The following AVEN variants were observed in gnomAD, a reference collection of about 807,000 sequenced individuals.
AVEN encodes apoptosis and caspase activation inhibitor, also known as cell death regulator Aven.
Under a neutral mutation model 38.1 loss-of-function variants are expected in AVEN, and 41 were observed. The ratio of observed to expected loss-of-function variants is 1.08; its 90% CI spans 0.84 to 1.40. The LOEUF (loss-of-function observed/expected upper bound fraction) is 1.40, where lower values mean the gene tolerates loss of function less well. Among genes scored for constraint, AVEN ranks in the 40% most tolerant of loss-of-function variants. The probability of loss-of-function intolerance (pLI) is 0.00; values close to 1 mark genes in which losing one functional copy is unlikely to be tolerated. For synonymous variants in AVEN, 206 were observed against 171.8 expected (o/e 1.20, Z -1.56); for missense variants, 605 against 438.8 (o/e 1.38, Z -3.38).
At chr15:34,043,218 G>A (rs1899550770), upstream of AVEN, among the ~76,000 whole-genome samples, 1 of 151,104 alleles carries the variant, frequency 6.6e-6, no homozygotes, top group Admixed American at 6.6e-5. Context: ...CTGCACTCCA[G>A]CCTGGGCGAC....
chr15:33,994,114 C>T (rs377289838), intron 2 of AVEN, among the ~76,000 whole-genome samples: 3 of 152,196 alleles, frequency 2.0e-5, no homozygotes, highest in Non-Finnish European at 4.4e-5. Flanking sequence ...TGTTAGGAAC[C>T]GGGCTGCATA....
chr15:33,863,130 T>C (rs1467777097), downstream of AVEN, among the ~76,000 whole-genome samples: 3 of 152,110 alleles, frequency 2.0e-5, no homozygotes, highest in Non-Finnish European at 2.9e-5. Flanking sequence ...ACTGGTCTCT[T>C]TCCTATCTCT....
rs565852423 is a variant in AVEN, at chr15:33,884,896, A to G, written c.446-8901T>C. Among the ~76,000 whole-genome samples, 5 of 150,680 alleles carry G rather than the reference A, an allele frequency of 3.3e-5. No homozygotes were observed. In the South Asian group the frequency reaches 6.4e-4, roughly 19 times the overall value. ...TGATCATTTGATAGTAGCAATTCCC[A>G]TAACTCATTCATCCTGGCTATTTGG... On this transcript the variant is annotated intron_variant, in intron 2 of 5. Coordinates refer to ENST00000306730, the MANE Select transcript of AVEN (RefSeq NM_020371.3).
intron 2 of AVEN, among the ~76,000 whole-genome samples, chr15:33,921,982 AGGTAGTTAACCT>A (rs1332552983): frequency 6.6e-6 from 1 of 152,180 alleles, no homozygotes; most frequent in Admixed American, 6.6e-5. Flanking sequence ...TAAAGAAAGG[AGGTAGTTAACCT>A]GGTCAATTCT....
At chr15:33,877,441 G>T (rs74737105) in intron 2 of AVEN, among the ~76,000 whole-genome samples, 5,129 of 152,224 alleles carry the variant, frequency 0.034, 158 homozygotes, top group Non-Finnish European at 0.039. Flanking sequence ...TGAGTGAAAG[G>T]GACTCAGAAA....
intron 2 of AVEN, among the ~76,000 whole-genome samples, chr15:33,881,208 G>C (rs766680934): frequency 1.3e-5 from 2 of 150,054 alleles, no homozygotes; most frequent in Non-Finnish European, 3.0e-5. Context: ...CCCCATCTCA[G>C]CCTCCCAAGT....
chr15:33,854,085 G>A (rs776810957), downstream of AVEN, among the ~76,000 whole-genome samples: 13 of 151,826 alleles, frequency 8.6e-5, no homozygotes, highest in Non-Finnish European at 1.8e-4. Context: ...AGTCCCAGCT[G>A]CTTGGGAGGC....
Position 33,866,385 on chromosome 15 carries a change from C to T in AVEN, c.*228G>A, listed in dbSNP as rs141215257. 1.4e-5 allele frequency: 8 copies of T among 561,734 alleles called. No individual in the cohort carries two copies. Among genetic ancestry groups the T allele is most frequent in the Middle Eastern group, 9.5e-4 (2 of 2,112 alleles). The allele number at this position is 561,734 out of a possible 1,614,324, so 34.8% of individuals were successfully genotyped here. A position where few individuals can be genotyped will look rare whatever the true frequency, so the allele number is the denominator to read the frequency against. ...CAAGGGCCAGAGTCTATCTCCTGCC[C>T]TTAAGGAAATCTATTAGATTACTAA... is the stretch of plus-strand genomic sequence containing the variant. On this transcript the variant is annotated 3_prime_UTR_variant, in exon 6 of 6. Transcript: ENST00000306730.
At chr15:34,062,203 G>C (rs1900356348) in intron 5 of AVEN, among the ~76,000 whole-genome samples, 1 of 152,202 alleles carries the variant, frequency 6.6e-6, no homozygotes, top group African/African-American at 2.4e-5. Context: ...TCAAACTTTA[G>C]AGATTTCAGC....
intron 1 of AVEN, among the ~76,000 whole-genome samples, chr15:34,020,103 A>G (rs1898137182): frequency 6.6e-6 from 1 of 152,102 alleles, no homozygotes; most frequent in Non-Finnish European, 1.5e-5. Context: ...CAAGGTCAGG[A>G]GATCGAGACC....
intron 1 of AVEN, among the ~76,000 whole-genome samples, chr15:34,011,468 C>A (rs61611317): frequency 6.6e-6 from 1 of 151,882 alleles, no homozygotes; most frequent in Admixed American, 6.6e-5. Context: ...GAACAATGTA[C>A]ATAATAATAA....
At chr15:34,048,442 GCT>G (rs1567488190) in intron 5 of AVEN, among the ~76,000 whole-genome samples, 1 of 150,754 alleles carries the variant, frequency 6.6e-6, no homozygotes, top group African/African-American at 2.4e-5. Context: ...TCATGGCCAG[GCT>G]GCTTCTTTAA....
chr15:34,026,228 T>A (rs185917558), intron 1 of AVEN, among the ~76,000 whole-genome samples: 4 of 152,186 alleles, frequency 2.6e-5, no homozygotes, highest in Non-Finnish European at 5.9e-5. Context: ...CCCAGTTTTA[T>A]GAGAAAAGAA....
At chr15:33,899,459 C>CTTTTTTT (rs1567403765) in intron 2 of AVEN, among the ~76,000 whole-genome samples, 1 of 83,260 alleles carries the variant, frequency 1.2e-5, no homozygotes, top group East Asian at 4.3e-4. Context: ...TCAGGGAAAA[C>CTTTTTTT]CTTTTTTTTT....
At chr15:33,912,007 G>A (rs1301172694) in intron 2 of AVEN, among the ~76,000 whole-genome samples, 1 of 152,158 alleles carries the variant, frequency 6.6e-6, no homozygotes, top group Non-Finnish European at 1.5e-5. Flanking sequence ...GAAGATTTGT[G>A]TCATCTATAT....
chr15:33,860,483 C>A, intron 11 of AVEN: 2 of 595,886 alleles, frequency 3.4e-6, no homozygotes, highest in Non-Finnish European at 2.8e-6. Context: ...TCTAATTTTG[C>A]TTTGATAATT....
intron 1 of AVEN, among the ~76,000 whole-genome samples, chr15:34,010,049 T>C (rs1210267971): frequency 2.6e-5 from 4 of 151,922 alleles, no homozygotes; most frequent in Non-Finnish European, 4.4e-5. Context: ...AAGCAAAAAC[T>C]GACAGAATAG....
chr15:34,038,714 T>G, intron 1 of AVEN, 66 bp downstream of exon 1: 1 of 1,117,940 alleles, frequency 8.9e-7, no homozygotes, highest in Non-Finnish European at 1.1e-6. Flanking sequence ...GGCTCTTGAC[T>G]GGCGGCCTCG....
chr15:33,947,438 T>C (rs970049490), intron 2 of AVEN, among the ~76,000 whole-genome samples: 1 of 152,148 alleles, frequency 6.6e-6, no homozygotes, highest in African/African-American at 2.4e-5. Context: ...TAGAAACATC[T>C]GTAATACGTA....
Sources: allele counts gnomAD v4.1 joint callset (sites outside exome capture counted in the v4.1 genomes callset), GRCh38; gene constraint gnomAD v4.1.1; transcripts MANE v1.5; gene names NCBI Gene and HGNC (gene_info 2026-07-23, HGNC 2026-07-21).